The following CYB5R3 variants were observed in gnomAD, a reference collection of about 807,000 sequenced individuals.
CYB5R3 encodes the protein NADH-cytochrome b5 reductase 3.
Under a neutral mutation model 36.5 loss-of-function variants are expected in CYB5R3, and 28 were observed. The ratio of observed to expected loss-of-function variants is 0.77; its 90% confidence interval spans 0.57 to 1.05. The LOEUF is 1.05. Ranked by LOEUF, CYB5R3 falls within the 50% of genes least tolerant of loss-of-function variation. The pLI is 0.00. For missense variants in CYB5R3, 474 were observed against 408.9 expected (o/e 1.16, Z -1.37); for synonymous variants, 181 against 159.8 (o/e 1.13, Z -1.00).
In CYB5R3 at chr22:42,623,801, T is replaced by C; in HGVS notation, c.721A>G (p.Arg241Gly). ...CTCCCTCACTCACCTTCAGGGGCTC[T>C]GTCCAGCGTGTACCAGAGCTTGAAG... The part of the protein sequence containing the change: ...ARFKLWYTLD[R>G]APEAWDYGQG... Residue 241 changes from arginine (R) to glycine (G), a missense_variant, in exon 8 of 9, where the codon AGA becomes GGA. Physicochemically the swap from Arg to Gly is moderately radical, Grantham distance 125. Coordinates refer to ENST00000352397, the MANE Select transcript of CYB5R3 (RefSeq NM_000398.7). The C allele has an allele frequency of 1.2e-6, 2 of 1,614,082 alleles. No homozygotes were observed. The highest frequency in any genetic ancestry group is 1.7e-6 in the Non-Finnish European group (2 of 1,179,932).
rs750826500 is a variant in CYB5R3, at chr22:42,649,253, C to T, written c.21+42G>A. 5.7e-6 allele frequency: 5 copies of T among 883,618 alleles called. No individual in the cohort carries two copies. The South Asian group carries it at 2.2e-4, about 38-fold the overall frequency. The allele number at this position is 883,618 out of a possible 1,614,324, so 54.7% of individuals were successfully genotyped here. ...GCCCCCTCGCCGCCGGGTCCCAGTC[C>T]CTCGCGACGCCCCGCGGCCCCGGCG... On this transcript the variant is annotated intron_variant, in intron 1 of 8. Transcript: ENST00000352397.
intron 1 of CYB5R3, chr22:42,646,562 G>A (rs549178612): frequency 5.0e-6 from 4 of 800,960 alleles, no homozygotes; most frequent in African/African-American, 3.7e-5. Flanking sequence ...CAGGGCCCCC[G>A]ACCTGGCAGG....
intron 1 of CYB5R3, among the ~76,000 whole-genome samples, chr22:42,637,983 T>A (rs1005331344): frequency 6.6e-6 from 1 of 152,162 alleles, no homozygotes; most frequent in African/African-American, 2.4e-5. Flanking sequence ...GCATAGTGGC[T>A]CCAGCCTGTA....
chr22:42,628,805 C>T (rs1249280326), intron 4 of CYB5R3, among the ~76,000 whole-genome samples: 1 of 152,138 alleles, frequency 6.6e-6, no homozygotes, highest in East Asian at 1.9e-4. Context: ...AATGGGGAGA[C>T]AGAGGAGGAG....
intron 2 of CYB5R3, chr22:42,632,571 C>G (rs2146886356): frequency 6.6e-6 from 1 of 152,444 alleles, no homozygotes; most frequent in African/African-American, 2.4e-5. Context: ...GCCCACCAAC[C>G]TCTCCCAGGC....
chr22:42,619,744 G>T lies in CYB5R3; in HGVS notation c.*29C>A. 2 of 1,545,632 alleles carry T rather than the reference G, an allele frequency of 1.3e-6. No homozygotes were observed. ...GTGAACAGGGCGTGGGGTGCGCGGGGCGGGTGGCCGTGTGACCGTGCCCGG... is the reference window on the plus strand; with the variant it reads ...GTGAACAGGGCGTGGGGTGCGCGGGTCGGGTGGCCGTGTGACCGTGCCCGG... On this transcript the variant is annotated 3_prime_UTR_variant, in exon 9 of 9. Transcript: ENST00000352397.
At chr22:42,642,195 T>A (rs1929312782) in intron 1 of CYB5R3, among the ~76,000 whole-genome samples, 1 of 151,916 alleles carries the variant, frequency 6.6e-6, no homozygotes, top group Non-Finnish European at 1.5e-5. Flanking sequence ...CACTATAGCC[T>A]TGACCTCTTG....
rs1282034862 is a variant in CYB5R3, at chr22:42,639,504, T to G, written c.22-2658A>C. ...TTAGCCAGGTATGGTAGCGGGCGTC[T>G]GCAATCCCAGCTACTCAGGATGCTG... On this transcript the variant is annotated intron_variant, in intron 1 of 8. Coordinates refer to ENST00000352397, the MANE Select transcript of CYB5R3 (RefSeq NM_000398.7). 8.0e-5 allele frequency among the ~76,000 whole-genome samples: 12 copies of G among 149,630 alleles called. No homozygotes were observed. The Admixed American group carries it at 8.1e-4, about 10-fold the overall frequency.
chr22:42,636,760 G>C lies in CYB5R3; in HGVS notation c.108C>G (p.Leu36=), dbSNP rs11541432. 5 of 1,613,770 alleles carry C rather than the reference G, an allele frequency of 3.1e-6. No homozygotes were observed. Among genetic ancestry groups the C allele is most frequent in the South Asian group, 1.1e-5 (1 of 91,062 alleles). Residue 36 remains leucine (L), a synonymous_variant, in exon 2 of 9, where the codon CTC becomes CTG. Transcript: ENST00000352397. The stretch of plus-strand genomic sequence containing the variant: ...GCGGGTACTTGATGTCCGGGCTCTC[G>C]AGGGTGATGGCTGGCGTGGAGCGCT... ...LFQRSTPAIT[L]ESPDIKYPLR... is the part of the protein sequence containing the mutation.
In CYB5R3 at chr22:42,618,370, T is replaced by C. The variant is rs919939508; in HGVS notation, c.*1403A>G. The C allele has an allele frequency of 1.3e-5, 2 of 150,832 alleles. No homozygotes were observed. The highest frequency in any genetic ancestry group is 2.9e-5 in the Non-Finnish European group (2 of 67,846). 9.3% of individuals were successfully genotyped at this position (150,832 alleles called of 1,614,324 possible). A position where few individuals can be genotyped will look rare whatever the true frequency, so the allele number is the denominator to read the frequency against. The stretch of plus-strand genomic sequence containing the variant: ...GGCTAAAACGGTGAAACCCCGTCTC[T>C]ACTAAAAATACAAAAAATTAGCCGG... On this transcript the variant is annotated 3_prime_UTR_variant, in exon 9 of 9. Transcript: ENST00000352397.
intron 2 of CYB5R3, chr22:42,631,989 AG>A (rs1928646168): frequency 6.3e-6 from 1 of 159,024 alleles, no homozygotes; most frequent in Non-Finnish European, 1.4e-5. Context: ...TTCCCTGCCC[AG>A]GAACTCCAAG....
chr22:42,646,201 G>T (rs749181421), intron 1 of CYB5R3, among the ~76,000 whole-genome samples: 1 of 152,114 alleles, frequency 6.6e-6, no homozygotes, highest in East Asian at 1.9e-4. Flanking sequence ...CCTGTGCTGC[G>T]TGCACACTCA....
intron 6 of CYB5R3, 82 bp from the exon 7 acceptor site, chr22:42,627,471 G>T: frequency 6.6e-7 from 1 of 1,506,114 alleles, no homozygotes; most frequent in Non-Finnish European, 9.2e-7. Context: ...TACTGGGGTG[G>T]AGGGGCCAGG....
intron 1 of CYB5R3, among the ~76,000 whole-genome samples, chr22:42,643,577 C>G (rs986172998): frequency 2.0e-5 from 3 of 152,038 alleles, no homozygotes; most frequent in Non-Finnish European, 2.9e-5. Context: ...GCTGAGGCCT[C>G]GCTCCATGGG....
intron 1 of CYB5R3, 150 bp downstream of exon 1, chr22:42,649,145 G>T: frequency 4.6e-6 from 1 of 216,332 alleles, no homozygotes; most frequent in Non-Finnish European, 8.3e-6. Context: ...TGTGGGGTGG[G>T]GTGGGGCGCG....
At chr22:42,628,637 G>A (rs1928438410) in intron 4 of CYB5R3, among the ~76,000 whole-genome samples, 1 of 152,196 alleles carries the variant, frequency 6.6e-6, no homozygotes, top group Non-Finnish European at 1.5e-5. Context: ...GGCTCTGGGA[G>A]GCCCACTAAG....
intron 1 of CYB5R3, 182 bp from the exon 2 acceptor site, chr22:42,637,028 A>C (rs1171860128): frequency 1.3e-6 from 1 of 752,454 alleles, no homozygotes; most frequent in Non-Finnish European, 2.2e-6. Context: ...AGCTATAAAG[A>C]CCAGCCTCAT....
At chr22:42,632,602 C>G (rs544730020) in intron 2 of CYB5R3, 35 of 152,412 alleles carry the variant, frequency 2.3e-4, no homozygotes, top group African/African-American at 7.9e-4. Context: ...TCAAAGCTGC[C>G]TCTACCAGAA....
chr22:42,641,863 A>T (rs1929291290), intron 1 of CYB5R3, among the ~76,000 whole-genome samples: 2 of 151,898 alleles, frequency 1.3e-5, no homozygotes, highest in South Asian at 2.1e-4. Flanking sequence ...ACCTCAAGTG[A>T]TCCACCCGCC....
Sources: gnomAD v4.1 joint callset for allele counts (sites outside exome capture counted in the v4.1 genomes callset) on GRCh38, gnomAD v4.1.1 for gene constraint, MANE v1.5 for transcripts, NCBI Gene and HGNC (gene_info 2026-07-23, HGNC 2026-07-21) for gene names.